The following NTN4 variants were observed in gnomAD, a reference collection of about 807,000 sequenced individuals.
The protein encoded by NTN4 is netrin 4.
A neutral mutation model predicts 73.6 loss-of-function variants in NTN4; 32 were observed. That is an observed-to-expected ratio of 0.44 (90% CI 0.33 to 0.58). NTN4 has a LOEUF of 0.58. Among genes scored for constraint, NTN4 ranks in the 20% least tolerant of loss-of-function variants. The probability of loss-of-function intolerance (pLI) is 0.04; values close to 1 mark genes in which losing one functional copy is unlikely to be tolerated. For missense variants in NTN4, 654 were observed against 798.3 expected, an observed-to-expected ratio of 0.82 and a Z score of 2.18; for synonymous variants, 258 against 287.5, an observed-to-expected ratio of 0.90 and a Z score of 1.04.
Position 95,715,416 on chromosome 12 carries a change from T to C in NTN4, c.865-2078A>G, listed in dbSNP as rs373453957. ...CAAAAATTTTTGTTAATTTTCTTTA[T>C]AGAAATGCAACTAATACTATAGATT... On this transcript the variant is annotated intron_variant, in intron 3 of 9. Coordinates refer to ENST00000343702, the MANE Select transcript of NTN4 (RefSeq NM_021229.4). 1.4e-4 allele frequency among the ~76,000 whole-genome samples: 22 copies of C among 152,338 alleles called. No homozygotes were observed. The East Asian group carries it at 2.7e-3, about 19-fold the overall frequency.
At chr12:95,755,588 A>T (rs1253001373) in intron 2 of NTN4, among the ~76,000 whole-genome samples, 1 of 152,204 alleles carries the variant, frequency 6.6e-6, no homozygotes, top group Non-Finnish European at 1.5e-5. Context: ...ACCCTGTTTC[A>T]TCAGATAGCC....
At chr12:95,728,780 G>A (rs7976500) in intron 3 of NTN4, among the ~76,000 whole-genome samples, 109,265 of 151,892 alleles carry the variant, frequency 0.72, 39,938 homozygotes, top group South Asian at 0.79. Flanking sequence ...GTAATCCCCA[G>A]TGTTGGAGGT....
At chr12:95,678,208 G>C (rs1375578889) in intron 7 of NTN4, among the ~76,000 whole-genome samples, 1 of 151,802 alleles carries the variant, frequency 6.6e-6, no homozygotes, top group Admixed American at 6.6e-5. Context: ...GCGAGGGGAG[G>C]GAGAGCATTA....
At chr12:95,756,128 A>AT (rs1330403301) in intron 2 of NTN4, among the ~76,000 whole-genome samples, 2 of 152,168 alleles carry the variant, frequency 1.3e-5, no homozygotes, top group African/African-American at 4.8e-5. Context: ...CAATCTAATG[A>AT]TTTTTTCACT....
At chr12:95,664,766 C>T (rs977519119) in intron 9 of NTN4, among the ~76,000 whole-genome samples, 1 of 152,012 alleles carries the variant, frequency 6.6e-6, no homozygotes, top group Non-Finnish European at 1.5e-5. Flanking sequence ...GCACATACCA[C>T]CATACTGGGC....
chr12:95,700,723 C>A (rs2078478141), intron 5 of NTN4, among the ~76,000 whole-genome samples: 1 of 151,968 alleles, frequency 6.6e-6, no homozygotes, highest in Non-Finnish European at 1.5e-5. Flanking sequence ...AACCCTGCCG[C>A]AAAAGCCAGT....
intron 5 of NTN4, among the ~76,000 whole-genome samples, chr12:95,690,321 T>C (rs1027107098): frequency 2.0e-5 from 3 of 152,206 alleles, no homozygotes; most frequent in African/African-American, 7.2e-5. Flanking sequence ...TTGCTAGGGA[T>C]CTAACTTGAA....
chr12:95,708,258 T>TTATTTA (rs1242720979), intron 5 of NTN4, among the ~76,000 whole-genome samples: 73 of 13,822 alleles, frequency 5.3e-3, no homozygotes, highest in African/African-American at 0.02. Flanking sequence ...TATTGTTATT[T>TTATTTA]TATTTATTTA....
At chr12:95,749,332 C>T (rs931129148) in intron 2 of NTN4, among the ~76,000 whole-genome samples, 5 of 152,186 alleles carry the variant, frequency 3.3e-5, no homozygotes, top group Admixed American at 6.5e-5. Context: ...GAGATCAATC[C>T]GCTGTACTCC....
At chr12:95,775,501 A>T (rs1036997806) in intron 2 of NTN4, among the ~76,000 whole-genome samples, 1 of 152,216 alleles carries the variant, frequency 6.6e-6, no homozygotes, top group Non-Finnish European at 1.5e-5. Flanking sequence ...CGCTTTTCCA[A>T]TGGTCTTAGC....
intron 8 of NTN4, among the ~76,000 whole-genome samples, 186 bp downstream of exon 8, chr12:95,669,892 A>G (rs186980053): frequency 1.3e-5 from 2 of 152,338 alleles, no homozygotes; most frequent in East Asian, 3.9e-4. Context: ...TGGGACATCC[A>G]TCACCAACTA....
At chr12:95,724,621 T>C (rs1379206167) in intron 3 of NTN4, among the ~76,000 whole-genome samples, 9 of 152,206 alleles carry the variant, frequency 5.9e-5, no homozygotes, top group Admixed American at 3.3e-4. Context: ...GCTGCAAATA[T>C]AGAGCAAAAG....
At chr12:95,706,173 A>G (rs2078520665) in intron 5 of NTN4, among the ~76,000 whole-genome samples, 1 of 152,134 alleles carries the variant, frequency 6.6e-6, no homozygotes, top group African/African-American at 2.4e-5. Flanking sequence ...CTCCTCTTTC[A>G]TACTCTTTTT....
intron 1 of NTN4, among the ~76,000 whole-genome samples, chr12:95,787,867 A>C (rs2079181352): frequency 6.6e-6 from 1 of 152,236 alleles, no homozygotes. Context: ...TTTTGAAGTC[A>C]TGACTATTGA....
chr12:95,728,993 C>A (rs2078715969), intron 3 of NTN4, among the ~76,000 whole-genome samples: 1 of 152,166 alleles, frequency 6.6e-6, no homozygotes, highest in South Asian at 2.1e-4. Flanking sequence ...TGATTGGAAG[C>A]TTCCTGAGGC....
intron 2 of NTN4, among the ~76,000 whole-genome samples, chr12:95,739,132 A>AC (rs1461430164): frequency 2.6e-5 from 4 of 152,244 alleles, no homozygotes; most frequent in African/African-American, 7.2e-5. Flanking sequence ...AGTGGCTGGC[A>AC]CATAGTAAGT....
At chr12:95,741,449 A>C (rs1392258992) in intron 2 of NTN4, among the ~76,000 whole-genome samples, 1 of 119,856 alleles carries the variant, frequency 8.3e-6, no homozygotes, top group African/African-American at 3.5e-5. Context: ...ATATATATAT[A>C]TATATATATA....
upstream of NTN4, among the ~76,000 whole-genome samples, chr12:95,790,937 G>GGGGA (rs2079206375): frequency 2.7e-5 from 4 of 149,156 alleles, no homozygotes; most frequent in South Asian, 8.5e-4. This position sits in a 1 kb window ranked among gnomAD's most constrained non-coding sequence, Gnocchi z 6.5. Flanking sequence ...CCGGGGGGGG[G>GGGGA]GTCCCCCGCG....
Position 95,738,112 on chromosome 12 carries a change from A to G in NTN4, c.618T>C (p.Asp206=), listed in dbSNP as rs747842044. The change falls in exon 3 of 10, where the codon GAT becomes GAC. Residue 206 remains aspartate (D), a synonymous_variant. Coordinates refer to ENST00000343702, the MANE Select transcript of NTN4 (RefSeq NM_021229.4). The stretch of plus-strand genomic sequence containing the variant: ...CTTTGGCACTGTAAGGGTTCTCTGT[A>G]TCGTATGGTGGTGACAAAGCTTTGA... The part of the protein sequence containing the change: ...VIFKALSPPY[D]TENPYSAKVQ... 47 of 1,613,962 alleles carry G rather than the reference A, an allele frequency of 2.9e-5. No homozygotes were observed. In the Admixed American group the frequency reaches 6.5e-4, roughly 22 times the overall value.
Sources: gnomAD v4.1 joint callset for allele counts (sites outside exome capture counted in the v4.1 genomes callset) on GRCh38, gnomAD v4.1.1 for gene constraint, Gnocchi (gnomAD v3.1) non-coding constraint, MANE v1.5 for transcripts, NCBI Gene and HGNC (gene_info 2026-07-23, HGNC 2026-07-21) for gene names.